TYW1B: variants seen among roughly 807,000 people sequenced by gnomAD.
TYW1B encodes S-adenosyl-L-methionine-dependent tRNA 4-demethylwyosine synthase TYW1B.
A neutral mutation model predicts 86.9 loss-of-function variants in TYW1B; 73 were observed. The ratio of observed to expected loss-of-function variants is 0.84; its 90% CI spans 0.70 to 1.02. The LOEUF (loss-of-function observed/expected upper bound fraction) is 1.02, where lower values mean the gene tolerates loss of function less well. Among genes scored for constraint, TYW1B ranks in the 50% least tolerant of loss-of-function variants. The probability of loss-of-function intolerance (pLI) is 0.00; values close to 1 mark genes in which losing one functional copy is unlikely to be tolerated. For synonymous variants in TYW1B, 248 were observed against 292.8 expected (o/e 0.85, Z 1.56); for missense variants, 637 against 827.4 (o/e 0.77, Z 2.82).
intron 13 of TYW1B, among the ~76,000 whole-genome samples, chr7:72,577,674 T>C (rs1245416800): frequency 4.6e-5 from 7 of 152,216 alleles, no homozygotes; most frequent in Admixed American, 1.3e-4. Context: ...TTCCAGCCAA[T>C]TGACCTTCTG....
intron 10 of TYW1B, among the ~76,000 whole-genome samples, chr7:72,712,462 G>A (rs1786688919): frequency 6.6e-6 from 1 of 152,076 alleles, no homozygotes. Flanking sequence ...CCGAGTAGCT[G>A]GGATTACAGG....
chr7:72,643,721 A>G (rs1437363172), intron 11 of TYW1B, among the ~76,000 whole-genome samples: 2 of 152,232 alleles, frequency 1.3e-5, no homozygotes, highest in African/African-American at 2.4e-5. Flanking sequence ...GGGCAGTTAC[A>G]CAAAGTCATT....
At position 72,586,163 on chromosome 7, in the gene TYW1B, G is replaced by C. The variant is rs551369398; in HGVS notation, c.1786-10444C>G. Among the ~76,000 whole-genome samples, 21 of 152,312 alleles carry C rather than the reference G, an allele frequency of 1.4e-4. 1 individual carries two copies. Among genetic ancestry groups the C allele is most frequent in the Admixed American group, 1.4e-3 (21 of 15,294 alleles). On this transcript the variant is annotated intron_variant, in intron 13 of 13. Coordinates refer to ENST00000620995, the MANE Select transcript of TYW1B (RefSeq NM_001145440.3). Reference sequence around the variant, plus strand: ...GAACAGGCATGTGGGACCGAGTCTAGGAGAATTCCATGCTTGGAGCTTCCA... The same window carrying C: ...GAACAGGCATGTGGGACCGAGTCTACGAGAATTCCATGCTTGGAGCTTCCA...
chr7:72,579,088 T>C (rs1811089229), intron 13 of TYW1B, among the ~76,000 whole-genome samples: 3 of 152,024 alleles, frequency 2.0e-5, no homozygotes, highest in Non-Finnish European at 4.4e-5. Context: ...GTCAAAAATA[T>C]ACTTTATATC....
intron 1 of TYW1B, 116 bp from the exon 2 acceptor site, chr7:72,827,101 A>G: frequency 1.5e-6 from 2 of 1,348,020 alleles, no homozygotes; most frequent in Non-Finnish European, 2.0e-6. Context: ...CCCAGCTAAG[A>G]AATCTAATTT....
intron 6 of TYW1B, among the ~76,000 whole-genome samples, 182 bp downstream of exon 6, chr7:72,802,218 C>T (rs1165380310): frequency 6.6e-6 from 1 of 151,882 alleles, no homozygotes; most frequent in Non-Finnish European, 1.5e-5. Flanking sequence ...CTTTCACAGG[C>T]CTGAGAGGGG....
chr7:72,803,505 A>C (rs1485045472), intron 5 of TYW1B, among the ~76,000 whole-genome samples: 3 of 152,228 alleles, frequency 2.0e-5, no homozygotes, highest in Non-Finnish European at 4.4e-5. Context: ...ATCATCTCAT[A>C]GATGAGGAAA....
At chr7:72,772,913 G>A (rs1383756326) in intron 7 of TYW1B, among the ~76,000 whole-genome samples, 1 of 152,168 alleles carries the variant, frequency 6.6e-6, no homozygotes, top group African/African-American at 2.4e-5. Context: ...GCTTTGTCTT[G>A]TAACCTCTTC....
At chr7:72,777,084 G>A (rs1437866703) in intron 7 of TYW1B, among the ~76,000 whole-genome samples, 1 of 152,002 alleles carries the variant, frequency 6.6e-6, no homozygotes, top group South Asian at 2.1e-4. Flanking sequence ...ATCCAGATAC[G>A]ATACCTCTAC....
At chr7:72,767,863 T>C (rs1253408293) in intron 7 of TYW1B, among the ~76,000 whole-genome samples, 1 of 152,100 alleles carries the variant, frequency 6.6e-6, no homozygotes, top group Non-Finnish European at 1.5e-5. Flanking sequence ...TGGATATCCA[T>C]ATTGGCAGAG....
At chr7:72,767,767 A>G (rs1253749309) in intron 7 of TYW1B, among the ~76,000 whole-genome samples, 1 of 152,192 alleles carries the variant, frequency 6.6e-6, no homozygotes, top group African/African-American at 2.4e-5. Flanking sequence ...CTCTATTCCA[A>G]AATAACCATC....
intron 10 of TYW1B, among the ~76,000 whole-genome samples, chr7:72,695,244 G>A (rs1252097554): frequency 2.0e-5 from 3 of 152,186 alleles, no homozygotes; most frequent in East Asian, 1.9e-4. Flanking sequence ...AATCACTGAC[G>A]GAAGTCTTCT....
At chr7:72,742,899 A>C (rs1787330175) in intron 8 of TYW1B, among the ~76,000 whole-genome samples, 1 of 152,226 alleles carries the variant, frequency 6.6e-6, no homozygotes, top group Non-Finnish European at 1.5e-5. Flanking sequence ...TAAAGGGAGA[A>C]ATAATGAGAA....
intron 11 of TYW1B, among the ~76,000 whole-genome samples, chr7:72,680,592 G>A (rs1554448290): frequency 3.9e-5 from 6 of 152,080 alleles, no homozygotes; most frequent in African/African-American, 9.7e-5. Context: ...GCTTGCAGAC[G>A]ACCTATTGTG....
chr7:72,643,127 A>G (rs1486560517), intron 11 of TYW1B, among the ~76,000 whole-genome samples: 5 of 152,196 alleles, frequency 3.3e-5, no homozygotes, highest in African/African-American at 4.8e-5. Flanking sequence ...ATGAGCATCT[A>G]TAATTTACTA....
intron 11 of TYW1B, among the ~76,000 whole-genome samples, chr7:72,686,994 AT>A (rs1814021823): frequency 6.6e-6 from 1 of 152,242 alleles, no homozygotes. Flanking sequence ...AGAGGAAAAC[AT>A]AAGAAACTAT....
intron 10 of TYW1B, among the ~76,000 whole-genome samples, chr7:72,696,608 C>T (rs1319707997): frequency 6.6e-6 from 1 of 151,960 alleles, no homozygotes; most frequent in Non-Finnish European, 1.5e-5. Context: ...TCTTTTTATC[C>T]AGCCACACAG....
chr7:72,801,398 T>C (rs1437899395), intron 6 of TYW1B, among the ~76,000 whole-genome samples: 1 of 152,182 alleles, frequency 6.6e-6, no homozygotes, highest in Non-Finnish European at 1.5e-5. Flanking sequence ...AAATGAGGTG[T>C]TCTCTTTTAC....
intron 11 of TYW1B, among the ~76,000 whole-genome samples, chr7:72,656,235 A>G (rs1554443599): frequency 6.6e-6 from 1 of 152,196 alleles, no homozygotes; most frequent in South Asian, 2.1e-4. Context: ...AAAAAGTCAT[A>G]AAAAGACTAC....
Sources: allele counts gnomAD v4.1 joint callset (sites outside exome capture counted in the v4.1 genomes callset), GRCh38; gene constraint gnomAD v4.1.1; transcripts MANE v1.5; gene names NCBI Gene and HGNC (gene_info 2026-07-23, HGNC 2026-07-21).